Variants in KLF12 observed in about 807,000 individuals in gnomAD.
KLF12 encodes the protein Krueppel-like factor 12.
Under a neutral mutation model 37.8 loss-of-function variants are expected in KLF12, and 9 were observed. The ratio of observed to expected loss-of-function variants is 0.24; its 90% CI spans 0.14 to 0.42. The LOEUF (loss-of-function observed/expected upper bound fraction) is 0.42. KLF12 is among the 10% of genes least tolerant of loss of function. KLF12 has a pLI of 1.00. For missense variants in KLF12, 411 were observed against 516.0 expected (o/e 0.80, Z 1.97); for synonymous variants, 208 against 202.1 (o/e 1.03, Z -0.25).
intron 1 of KLF12, among the ~76,000 whole-genome samples, chr13:74,043,921 T>C (rs1418268447): frequency 6.6e-6 from 1 of 152,246 alleles, no homozygotes; most frequent in Non-Finnish European, 1.5e-5. Context: ...GCATCTATTC[T>C]TATTGCTACC....
At chr13:74,048,366 T>G (rs1349634789) in intron 1 of KLF12, among the ~76,000 whole-genome samples, 1 of 151,942 alleles carries the variant, frequency 6.6e-6, no homozygotes, top group South Asian at 2.1e-4. Context: ...TTCTGTAACT[T>G]CCAATAAGAC....
chr13:74,174,922 C>T, the KLF12 span, among the ~76,000 whole-genome samples: 4 of 152,288 alleles, frequency 2.6e-5, no homozygotes, highest in South Asian at 2.1e-4. Flanking sequence ...TGAAAAACCA[C>T]GATCAGAGGA....
At chr13:74,001,062 C>T (rs1030202553) in intron 1 of KLF12, among the ~76,000 whole-genome samples, 3 of 152,126 alleles carry the variant, frequency 2.0e-5, no homozygotes, top group Non-Finnish European at 4.4e-5. Context: ...TGGACATGCA[C>T]GTAAGTACCA....
At chr13:74,081,271 T>C (rs997311564) in intron 1 of KLF12, among the ~76,000 whole-genome samples, 6 of 152,194 alleles carry the variant, frequency 3.9e-5, no homozygotes, top group Non-Finnish European at 8.8e-5. Context: ...AAACTTCCAC[T>C]GAGATAATAC....
intron 7 of KLF12, among the ~76,000 whole-genome samples, chr13:73,710,156 C>T (rs1014985218): frequency 6.6e-6 from 1 of 152,040 alleles, no homozygotes; most frequent in Non-Finnish European, 1.5e-5. Context: ...CAAGCAAAGC[C>T]ATCATTAAGG....
rs1041859942 is a variant in KLF12, at chr13:73,693,564, C to T, written c.*1926G>A. ...CCAACACAAATTGTCCTTGTTTCAACGTTCATAGTTCTCGCTTCATCAGAA... is the reference window on the plus strand; with the variant it reads ...CCAACACAAATTGTCCTTGTTTCAATGTTCATAGTTCTCGCTTCATCAGAA... On this transcript the variant is annotated 3_prime_UTR_variant, in exon 8 of 8. Transcript: ENST00000377669. The T allele has an allele frequency of 5.9e-5, 9 of 152,348 alleles. No individual in the cohort carries two copies. Among genetic ancestry groups the T allele is most frequent in the African/African-American group, 9.7e-5 (4 of 41,432 alleles). The allele number at this position is 152,348 out of a possible 1,614,324, so 9.4% of individuals were successfully genotyped here. A position where few individuals can be genotyped will look rare whatever the true frequency, so the allele number is the denominator to read the frequency against.
At chr13:74,222,115 G>A in the KLF12 span, among the ~76,000 whole-genome samples, 5 of 152,120 alleles carry the variant, frequency 3.3e-5, no homozygotes, top group Non-Finnish European at 5.9e-5. Flanking sequence ...TGTCAGTGTT[G>A]AATTTGACCC....
chr13:73,786,879 C>T (rs933681486), intron 5 of KLF12, among the ~76,000 whole-genome samples: 9 of 151,950 alleles, frequency 5.9e-5, no homozygotes, highest in Non-Finnish European at 5.9e-5. Flanking sequence ...GAGCTCTGAT[C>T]ACACCGCTGC....
the KLF12 span, among the ~76,000 whole-genome samples, chr13:74,153,561 C>T: frequency 6.6e-6 from 1 of 152,104 alleles, no homozygotes; most frequent in African/African-American, 2.4e-5. Context: ...TCTTTTGGTC[C>T]AGCTGTTGCC....
chr13:74,270,483 T>A, the KLF12 span, among the ~76,000 whole-genome samples: 1 of 152,170 alleles, frequency 6.6e-6, no homozygotes, highest in Non-Finnish European at 1.5e-5. Flanking sequence ...CTTCCCTGAT[T>A]GGTAATCACA....
chr13:73,921,333 G>T (rs1462196202), intron 3 of KLF12, among the ~76,000 whole-genome samples: 3 of 152,086 alleles, frequency 2.0e-5, no homozygotes, highest in African/African-American at 7.2e-5. Flanking sequence ...TCAGAAGGTG[G>T]AAGTAGAGTT....
the KLF12 span, among the ~76,000 whole-genome samples, chr13:74,219,337 C>CT: frequency 2.8e-3 from 425 of 152,270 alleles, 1 homozygote; most frequent in Admixed American, 4.1e-3. Context: ...CTTTTTTCTA[C>CT]TTATTGTAAT....
At chr13:73,752,927 A>AT (rs1394148800) in intron 6 of KLF12, among the ~76,000 whole-genome samples, 1 of 151,456 alleles carries the variant, frequency 6.6e-6, no homozygotes, top group Non-Finnish European at 1.5e-5. Flanking sequence ...TAATTTTTGT[A>AT]TTTTTTAGTA....
At chr13:74,248,855 G>A in the KLF12 span, among the ~76,000 whole-genome samples, 44 of 152,110 alleles carry the variant, frequency 2.9e-4, no homozygotes, top group African/African-American at 9.9e-4. Flanking sequence ...GCCAAGGAGC[G>A]CTTCTGATGA....
chr13:73,745,282 G>A (rs952897787), intron 6 of KLF12, among the ~76,000 whole-genome samples: 3 of 152,068 alleles, frequency 2.0e-5, no homozygotes, highest in Non-Finnish European at 2.9e-5. Flanking sequence ...AAGAGGGGAC[G>A]CTACTCTTAT....
At chr13:73,709,537 T>A (rs1162998301) in intron 7 of KLF12, among the ~76,000 whole-genome samples, 3 of 152,190 alleles carry the variant, frequency 2.0e-5, no homozygotes, top group African/African-American at 7.2e-5. Flanking sequence ...CAAAATCTTA[T>A]ACATAATTAT....
chr13:73,802,765 C>T (rs2138354202), intron 5 of KLF12, among the ~76,000 whole-genome samples: 1 of 152,246 alleles, frequency 6.6e-6, no homozygotes, highest in African/African-American at 2.4e-5. Context: ...ATAATGGCCT[C>T]CAGCTGCATC....
At chr13:73,900,028 G>A (rs950093821) in intron 3 of KLF12, among the ~76,000 whole-genome samples, 27 of 152,172 alleles carry the variant, frequency 1.8e-4, no homozygotes, top group African/African-American at 5.8e-4. Context: ...AAAGTTTTTC[G>A]TTAAATAGAC....
the KLF12 span, among the ~76,000 whole-genome samples, chr13:74,172,835 G>C: frequency 6.6e-6 from 1 of 152,188 alleles, no homozygotes; most frequent in Non-Finnish European, 1.5e-5. Flanking sequence ...CAGAGTAATT[G>C]ATGTTGGGGT....
Sources: gnomAD v4.1 joint callset for allele counts (sites outside exome capture counted in the v4.1 genomes callset) on GRCh38, gnomAD v4.1.1 for gene constraint, MANE v1.5 for transcripts, NCBI Gene and HGNC (gene_info 2026-07-23, HGNC 2026-07-21) for gene names.